The following TENM2 variants were observed in gnomAD, a reference collection of about 807,000 sequenced individuals.
TENM2 encodes the protein teneurin-2.
Under a neutral mutation model 245.2 loss-of-function variants are expected in TENM2, and 52 were observed. That is an observed-to-expected ratio of 0.21 (90% CI 0.17 to 0.27). The LOEUF is 0.27. Ranked by LOEUF, TENM2 falls within the 10% of genes least tolerant of loss-of-function variation. The probability of loss-of-function intolerance (pLI) is 1.00; values close to 1 mark genes in which losing one functional copy is unlikely to be tolerated. For synonymous variants in TENM2, 1,363 were observed against 1,438.9 expected, an observed-to-expected ratio of 0.95 and a Z score of 1.19; for missense variants, 3,046 against 3,666.8, an observed-to-expected ratio of 0.83 and a Z score of 4.37.
intron 2 of TENM2, among the ~76,000 whole-genome samples, chr5:167,613,951 G>C (rs1271699268): frequency 2.6e-5 from 4 of 151,740 alleles, no homozygotes; most frequent in Non-Finnish European, 5.9e-5. Flanking sequence ...CTTTTTCTTG[G>C]CTTTAGTATA....
At chr5:167,029,425 T>G in the TENM2 span, among the ~76,000 whole-genome samples, 2 of 152,178 alleles carry the variant, frequency 1.3e-5, no homozygotes, top group African/African-American at 4.8e-5. Context: ...AATTGATGCT[T>G]TAGTTTGTCT....
intron 7 of TENM2, among the ~76,000 whole-genome samples, chr5:168,079,997 A>G (rs911600928): frequency 2.6e-5 from 4 of 152,174 alleles, no homozygotes; most frequent in Non-Finnish European, 4.4e-5. Flanking sequence ...ATAGTTTCAG[A>G]AGGAATGGCA....
At chr5:167,403,357 T>G (rs1262096868) in intron 2 of TENM2, among the ~76,000 whole-genome samples, 1 of 151,936 alleles carries the variant, frequency 6.6e-6, no homozygotes, top group Non-Finnish European at 1.5e-5. Context: ...AGACGAAACA[T>G]AAATCAATGT....
intron 11 of TENM2, among the ~76,000 whole-genome samples, chr5:168,125,841 C>A (rs1327539405): frequency 6.6e-6 from 1 of 152,078 alleles, no homozygotes; most frequent in Non-Finnish European, 1.5e-5. Context: ...TGCTGGTGGT[C>A]CTGGCAAGGC....
At chr5:167,536,593 T>G (rs1771863486) in intron 2 of TENM2, among the ~76,000 whole-genome samples, 2 of 152,188 alleles carry the variant, frequency 1.3e-5, no homozygotes, top group South Asian at 4.1e-4. Flanking sequence ...AATAGTAGTC[T>G]ATGAGTTCAG....
chr5:167,946,076 A>C (rs1779599189), intron 3 of TENM2, among the ~76,000 whole-genome samples: 1 of 152,240 alleles, frequency 6.6e-6, no homozygotes, highest in Non-Finnish European at 1.5e-5. Flanking sequence ...ATAACAAAAA[A>C]TGCAAGTCCA....
At chr5:167,359,069 C>T (rs1759536444) in intron 1 of TENM2, among the ~76,000 whole-genome samples, 1 of 152,140 alleles carries the variant, frequency 6.6e-6, no homozygotes, top group South Asian at 2.1e-4. Context: ...AAGTGGTCTC[C>T]TTGATTCGGT....
intron 5 of TENM2, among the ~76,000 whole-genome samples, chr5:168,022,923 C>T (rs886708546): frequency 2.6e-5 from 4 of 152,148 alleles, no homozygotes; most frequent in African/African-American, 7.2e-5. Flanking sequence ...ATGTCCATCT[C>T]GCCTGCGCTA....
intron 2 of TENM2, among the ~76,000 whole-genome samples, chr5:167,676,044 A>C (rs1163631332): frequency 6.6e-6 from 1 of 152,034 alleles, no homozygotes; most frequent in Admixed American, 6.6e-5. Context: ...TCTCAAGCCC[A>C]TTCAAGGAGC....
intron 3 of TENM2, among the ~76,000 whole-genome samples, chr5:167,937,270 G>A (rs1212867682): frequency 1.3e-5 from 2 of 152,274 alleles, no homozygotes; most frequent in South Asian, 2.1e-4. Context: ...TGTTTATTCA[G>A]TCACTTGCAG....
At chr5:167,209,483 C>T in the TENM2 span, among the ~76,000 whole-genome samples, 3 of 151,992 alleles carry the variant, frequency 2.0e-5, no homozygotes, top group East Asian at 1.9e-4. Flanking sequence ...AGGCTGATCT[C>T]GAACTCCTGA....
intron 10 of TENM2, 56 bp downstream of exon 12, chr5:168,118,542 T>A: frequency 2.2e-6 from 3 of 1,394,676 alleles, no homozygotes; most frequent in South Asian, 1.7e-5. Context: ...TTGCAGGGCC[T>A]GACCTTTGCT....
At chr5:167,101,847 ATT>A in the TENM2 span, among the ~76,000 whole-genome samples, 116 of 95,128 alleles carry the variant, frequency 1.2e-3, 2 homozygotes, top group African/African-American at 5.4e-3. Context: ...ATATATATAT[ATT>A]TATATATATA....
intron 2 of TENM2, among the ~76,000 whole-genome samples, chr5:167,698,669 TTTG>T (rs1757929872): frequency 7.4e-6 from 1 of 134,800 alleles, no homozygotes; most frequent in African/African-American, 3.0e-5. Context: ...TGTGTTTTGT[TTTG>T]TTTTTTGTTT....
chr5:167,440,602 T>C (rs185010037), intron 2 of TENM2, among the ~76,000 whole-genome samples: 8 of 152,278 alleles, frequency 5.3e-5, no homozygotes, highest in Admixed American at 5.2e-4. Flanking sequence ...AATATTGTGG[T>C]AAATATTGGA....
At chr5:167,700,199 A>C (rs1318391126) in intron 2 of TENM2, among the ~76,000 whole-genome samples, 3 of 152,224 alleles carry the variant, frequency 2.0e-5, no homozygotes, top group Non-Finnish European at 4.4e-5. Context: ...TGATAGAGAG[A>C]TCAGATGGAA....
At chr5:167,099,236 G>A in the TENM2 span, among the ~76,000 whole-genome samples, 1 of 152,080 alleles carries the variant, frequency 6.6e-6, no homozygotes, top group South Asian at 2.1e-4. Context: ...CTGTTTTAGG[G>A]CTTTGGTGAG....
intron 2 of TENM2, among the ~76,000 whole-genome samples, chr5:167,696,756 C>T (rs567444706): frequency 2.6e-4 from 39 of 152,102 alleles, no homozygotes; most frequent in South Asian, 8.3e-4. Flanking sequence ...CACACTTTGT[C>T]GGAGAGACTC....
chr5:167,857,867 G>A (rs1042326834), intron 2 of TENM2, among the ~76,000 whole-genome samples: 3 of 152,194 alleles, frequency 2.0e-5, no homozygotes, highest in African/African-American at 4.8e-5. Flanking sequence ...GGAGAGGAGT[G>A]TTATCTAATA....
Sources: allele counts gnomAD v4.1 joint callset (sites outside exome capture counted in the v4.1 genomes callset), GRCh38; gene constraint gnomAD v4.1.1; transcripts MANE v1.5; gene names NCBI Gene and HGNC (gene_info 2026-07-23, HGNC 2026-07-21).